ARHGEF11: variants seen among roughly 807,000 people sequenced by gnomAD.
The protein encoded by ARHGEF11 is Rho guanine exchange factor (GEF) 11.
ARHGEF11 carries 55 observed loss-of-function variants against 193.7 expected under a neutral mutation model. The ratio of observed to expected loss-of-function variants is 0.28; its 90% CI spans 0.23 to 0.36. The LOEUF (loss-of-function observed/expected upper bound fraction) is 0.36. Among genes scored for constraint, ARHGEF11 ranks in the 10% least tolerant of loss-of-function variants. The pLI, the probability that ARHGEF11 is intolerant of heterozygous loss-of-function variation, is 1.00. For missense variants in ARHGEF11, 1,723 were observed against 2,005.6 expected, an observed-to-expected ratio of 0.86 and a Z score of 2.69; for synonymous variants, 693 against 768.0, an observed-to-expected ratio of 0.90 and a Z score of 1.62.
At chr1:156,977,143 G>T in intron 6 of ARHGEF11, 89 bp from the exon 7 acceptor site, 1 of 1,126,960 alleles carries the variant, frequency 8.9e-7, no homozygotes, top group Non-Finnish European at 1.4e-6. Flanking sequence ...GGCAAGGACA[G>T]CTATGAGAAT....
chr1:156,977,787 T>A (rs1374158744), intron 6 of ARHGEF11, among the ~76,000 whole-genome samples: 3 of 152,116 alleles, frequency 2.0e-5, no homozygotes, highest in Non-Finnish European at 2.9e-5. Flanking sequence ...CAAAGCAGGC[T>A]TTTTTCTCTA....
intron 1 of ARHGEF11, among the ~76,000 whole-genome samples, chr1:157,031,266 G>A (rs1488492325): frequency 6.6e-6 from 1 of 152,054 alleles, no homozygotes; most frequent in Non-Finnish European, 1.5e-5. Flanking sequence ...CTTAACAAGG[G>A]AGTGGTCTCT....
intron 1 of ARHGEF11, among the ~76,000 whole-genome samples, chr1:156,996,857 C>CTCTT (rs1430207872): frequency 1.9e-5 from 2 of 107,772 alleles, no homozygotes; most frequent in African/African-American, 3.6e-5. Flanking sequence ...ACCTCTCTCT[C>CTCTT]TATTTTTTTT....
Position 156,947,367 on chromosome 1 carries a change from G to C in ARHGEF11, c.2425C>G (p.Leu809Val). Residue 809 changes from leucine (L) to valine (V), a missense_variant, in exon 26 of 41, where the codon CTG (leucine) becomes GTG (valine). By Grantham distance (32) the Leu-to-Val change is conservative (BLOSUM62 1). Coordinates refer to ENST00000368194, the MANE Select transcript of ARHGEF11 (RefSeq NM_198236.3). Reference protein sequence around the residue: ...IFYQRMKKENLMPREELARLF... With the variant: ...IFYQRMKKENVMPREELARLF... ...CGGGCCAGCTCCTCCCGGGGCATCA[G>C]GTTCTCCTTCTTCATTCGCTGGTAG... is the stretch of plus-strand genomic sequence containing the variant. The C allele has an allele frequency of 8.7e-6, 14 of 1,614,066 alleles. No individual in the cohort carries two copies. The highest frequency in any genetic ancestry group is 1.1e-5 in the Non-Finnish European group (13 of 1,180,004).
chr1:156,944,974 C>T (rs1657846932), intron 30 of ARHGEF11, 45 bp downstream of exon 30: 1 of 1,595,814 alleles, frequency 6.3e-7, no homozygotes, highest in South Asian at 1.1e-5. Context: ...CCTAAGGGTA[C>T]CCACAAAGTG....
intron 1 of ARHGEF11, among the ~76,000 whole-genome samples, chr1:157,000,030 C>T (rs1467113635): frequency 6.6e-6 from 1 of 152,226 alleles, no homozygotes; most frequent in Non-Finnish European, 1.5e-5. Flanking sequence ...GTGGTGCGAT[C>T]TCAGCTCACT....
chr1:156,960,410 C>A lies in ARHGEF11; in HGVS notation c.1282+8G>T, dbSNP rs1284324834. ...AGAAGAGACTTACCGACCAATGAGC[C>A]AACTTACCAATTTCAGCCTGTAGCA... On this transcript the variant is annotated splice_region_variant and intron_variant, in intron 15 of 40. Transcript: ENST00000368194. 7 of 1,614,100 alleles carry A rather than the reference C, an allele frequency of 4.3e-6. No individual in the cohort carries two copies. The highest frequency in any genetic ancestry group is 5.9e-6 in the Non-Finnish European group (7 of 1,179,998).
Position 156,940,406 on chromosome 1 carries a change from C to A in ARHGEF11, c.3534G>T (p.Arg1178Ser), listed in dbSNP as rs760952715. Residue 1178 changes from arginine to serine, a missense_variant, in exon 36 of 41, where the codon AGG (arginine) becomes AGT (serine). Physicochemically the swap from Arg to Ser is moderately radical, Grantham distance 110. Around this residue, in one of 5 missense-constraint regions of ARHGEF11, gnomAD observed 203 missense variants for 237.3 expected, o/e 0.86. Transcript: ENST00000368194. ...ELPGGTGSQQ[R>S]VQGKHQVLLE... ...GCAGGACCTGGTGCTTCCCTTGGACCCTCTGCTGGGACCCAGTGCCTGTTT... is the reference window on the plus strand; with the variant it reads ...GCAGGACCTGGTGCTTCCCTTGGACACTCTGCTGGGACCCAGTGCCTGTTT... 16 of 1,606,592 alleles carry A rather than the reference C, an allele frequency of 1.0e-5. No homozygotes were observed. The South Asian group carries it at 1.6e-4, about 16-fold the overall frequency.
chr1:156,997,320 G>A (rs1021782118), intron 1 of ARHGEF11, among the ~76,000 whole-genome samples: 1 of 152,250 alleles, frequency 6.6e-6, no homozygotes, highest in East Asian at 1.9e-4. Flanking sequence ...GTATGATGGA[G>A]GGAAAAAGAC....
Position 156,947,807 on chromosome 1 carries a change from A to T in ARHGEF11, c.2303T>A (p.Leu768Gln). 6.2e-7 allele frequency: 1 copy of T among 1,613,834 alleles called. No individual in the cohort carries two copies. Among genetic ancestry groups the T allele is most frequent in the Non-Finnish European group, 8.5e-7 (1 of 1,180,032 alleles). ...HTVGKDVVAG[L>Q]TQREIDRQEV... is the part of the protein sequence containing the mutation. ...TTGCCGGTCAATCTCCCGCTGGGTTAGCCCAGCCACCACATCCTTGCCCAC... is the reference window on the plus strand; with the variant it reads ...TTGCCGGTCAATCTCCCGCTGGGTTTGCCCAGCCACCACATCCTTGCCCAC... The change falls in exon 25 of 41, where the codon CTA becomes CAA. Residue 768 changes from leucine to glutamine, a missense_variant. Physicochemically the swap from Leu to Gln is moderately radical, Grantham distance 113 (BLOSUM62 -2). Coordinates refer to ENST00000368194, the MANE Select transcript of ARHGEF11 (RefSeq NM_198236.3).
At chr1:156,967,830 T>C in intron 11 of ARHGEF11, 157 bp downstream of exon 11, 1 of 891,306 alleles carries the variant, frequency 1.1e-6, no homozygotes, top group Non-Finnish European at 1.7e-6. Context: ...TTCTCTTTCT[T>C]TACTATTTGC....
intron 1 of ARHGEF11, among the ~76,000 whole-genome samples, chr1:157,026,420 G>A (rs372957359): frequency 3.9e-5 from 6 of 152,140 alleles, no homozygotes; most frequent in African/African-American, 1.4e-4. Flanking sequence ...CAATCTCCAG[G>A]GTAAATAATC....
chr1:156,969,111 C>T (rs767726100), intron 10 of ARHGEF11, among the ~76,000 whole-genome samples, 171 bp downstream of exon 10: 4 of 152,184 alleles, frequency 2.6e-5, no homozygotes, highest in Non-Finnish European at 5.9e-5. Context: ...ATGTTGGATG[C>T]ATCTGAAATT....
chr1:156,955,491 G>A (rs1204960089), intron 20 of ARHGEF11, among the ~76,000 whole-genome samples: 1 of 152,180 alleles, frequency 6.6e-6, no homozygotes, highest in East Asian at 1.9e-4. Flanking sequence ...CTAAGACCCA[G>A]GGACCGGCAC....
intron 1 of ARHGEF11, among the ~76,000 whole-genome samples, chr1:156,997,554 A>G (rs1666699096): frequency 6.6e-6 from 1 of 152,188 alleles, no homozygotes; most frequent in Admixed American, 6.5e-5. Context: ...CGATGCGTGG[A>G]ATGCACTAGA....
intron 1 of ARHGEF11, among the ~76,000 whole-genome samples, chr1:157,016,204 A>AG (rs1231391047): frequency 1.3e-5 from 2 of 152,090 alleles, no homozygotes; most frequent in Non-Finnish European, 2.9e-5. Context: ...AAAGGGAGCT[A>AG]CTTCTAATAT....
intron 7 of ARHGEF11, 118 bp downstream of exon 7, chr1:156,976,865 G>T: frequency 5.2e-5 from 45 of 864,678 alleles, no homozygotes; most frequent in East Asian, 5.2e-5. Context: ...TTTATTTTTT[G>T]AGGTTTTACT....
At chr1:157,007,781 T>C (rs967363779) in intron 1 of ARHGEF11, among the ~76,000 whole-genome samples, 6 of 152,216 alleles carry the variant, frequency 3.9e-5, no homozygotes, top group African/African-American at 1.4e-4. Flanking sequence ...CAATCCCACA[T>C]TCCTGATACT....
intron 31 of ARHGEF11, 62 bp from the exon 32 acceptor site, chr1:156,944,164 T>G (rs559353050): frequency 1.3e-6 from 2 of 1,571,486 alleles, no homozygotes; most frequent in Non-Finnish European, 1.7e-6. Flanking sequence ...ATGAGCACAA[T>G]GCAGGGCCAC....
Sources: gnomAD v4.1 joint callset for allele counts (sites outside exome capture counted in the v4.1 genomes callset) on GRCh38, gnomAD v4.1.1 for gene constraint, gnomAD v4.1.1 regional missense constraint, MANE v1.5 for transcripts, NCBI Gene and HGNC (gene_info 2026-07-23, HGNC 2026-07-21) for gene names.